The following CFAP77 variants were observed in gnomAD, a reference collection of about 807,000 sequenced individuals.
CFAP77 encodes cilia- and flagella-associated protein 77.
In CFAP77, 25 loss-of-function variants were observed where a neutral mutation model predicts 31.1. That is an observed-to-expected ratio of 0.80 (90% CI 0.59 to 1.12). CFAP77 has a LOEUF of 1.12. Among genes scored for constraint, CFAP77 ranks in the 50% most tolerant of loss-of-function variants. The pLI is 0.00. For missense variants in CFAP77, 377 were observed against 397.3 expected (o/e 0.95, Z 0.44); for synonymous variants, 151 against 159.9 (o/e 0.94, Z 0.42).
chr9:132,447,386 A>G (rs1038372988), intron 1 of CFAP77, among the ~76,000 whole-genome samples: 4 of 152,228 alleles, frequency 2.6e-5, no homozygotes, highest in African/African-American at 7.2e-5. Flanking sequence ...GAGAAGTCAT[A>G]TTATTCAAAT....
chr9:132,468,793 A>G (rs1403398266), intron 1 of CFAP77, among the ~76,000 whole-genome samples: 5 of 144,652 alleles, frequency 3.5e-5, no homozygotes, highest in African/African-American at 8.2e-5. Context: ...ACACACACGC[A>G]CACACACACA....
chr9:132,556,971 C>T (rs1458906197), intron 5 of CFAP77, among the ~76,000 whole-genome samples: 2 of 152,192 alleles, frequency 1.3e-5, no homozygotes, highest in South Asian at 2.1e-4. Flanking sequence ...TTTAATGAGC[C>T]GATGGAAGTT....
chr9:132,470,778 G>A (rs756112473), intron 1 of CFAP77, among the ~76,000 whole-genome samples: 19 of 152,310 alleles, frequency 1.2e-4, no homozygotes, highest in Admixed American at 6.5e-4. Flanking sequence ...GGATGCCAAG[G>A]TGGGTGGATC....
At chr9:132,469,097 T>C (rs1589868979) in intron 1 of CFAP77, among the ~76,000 whole-genome samples, 1 of 110,046 alleles carries the variant, frequency 9.1e-6, no homozygotes, top group South Asian at 3.1e-4. Context: ...AAAGGCATGC[T>C]CCCTTGTTAG....
chr9:132,433,031 T>C lies in CFAP77; in HGVS notation c.195+22565T>C, dbSNP rs1267285397. Among the ~76,000 whole-genome samples the C allele has an allele frequency of 1.3e-5, 2 of 152,068 alleles. 1 individual carries two copies. The highest frequency in any genetic ancestry group is 2.9e-5 in the Non-Finnish European group (2 of 67,992). On this transcript the variant is annotated intron_variant, in intron 1 of 5. Transcript: ENST00000393216. Reference sequence around the variant, plus strand: ...GCCCGGCCAATTTTCGTATTTTTAGTAGAGATGGGGTTTCGCTATGTTGCC... The same window carrying C: ...GCCCGGCCAATTTTCGTATTTTTAGCAGAGATGGGGTTTCGCTATGTTGCC...
chr9:132,531,626 G>GC (rs1554748487), intron 3 of CFAP77, among the ~76,000 whole-genome samples: 1 of 98,054 alleles, frequency 1.0e-5, no homozygotes, highest in Admixed American at 9.4e-5. Context: ...GCTAAGACAT[G>GC]GGGGGGGGGG....
chr9:132,494,650 T>C (rs1290685198), intron 1 of CFAP77, among the ~76,000 whole-genome samples: 2 of 150,106 alleles, frequency 1.3e-5, no homozygotes, highest in Non-Finnish European at 2.9e-5. Flanking sequence ...CTTCAAGAGA[T>C]AGTGCCAAAC....
At chr9:132,559,953 T>C (rs575020409) in intron 5 of CFAP77, among the ~76,000 whole-genome samples, 1 of 152,290 alleles carries the variant, frequency 6.6e-6, no homozygotes, top group Non-Finnish European at 1.5e-5. Context: ...TATAATTCCA[T>C]TTATATGAAG....
chr9:132,572,917 T>TG lies in CFAP77; in HGVS notation c.*408dup, dbSNP rs1198070681. ...GTATTTGCTGCAGAAAGCATGACAG[T>TG]GACGTGCTTTGAAAGCCCTCATTTT... On this transcript the variant is annotated 3_prime_UTR_variant, in exon 6 of 6. Transcript: ENST00000393216. 2 of 185,258 alleles carry TG rather than the reference T, an allele frequency of 1.1e-5. No homozygotes were observed. The highest frequency in any genetic ancestry group is 1.2e-4 in the Admixed American group (2 of 16,482). The allele number at this position is 185,258 out of a possible 1,614,324, so 11.5% of individuals were successfully genotyped here. A position where few individuals can be genotyped will look rare whatever the true frequency, so the allele number is the denominator to read the frequency against.
intron 1 of CFAP77, among the ~76,000 whole-genome samples, chr9:132,466,514 G>T (rs912912626): frequency 6.6e-6 from 1 of 152,166 alleles, no homozygotes; most frequent in South Asian, 2.1e-4. Context: ...ATGTCGCATT[G>T]CCCTCTGCAC....
intron 5 of CFAP77, among the ~76,000 whole-genome samples, chr9:132,568,302 C>T (rs554980119): frequency 3.3e-5 from 5 of 152,328 alleles, no homozygotes; most frequent in Admixed American, 6.5e-5. Flanking sequence ...CGCCTGTAAT[C>T]CCAACACTTT....
Position 132,515,496 on chromosome 9 carries a change from A to AT in CFAP77, c.524+15903dup, listed in dbSNP as rs576562864. ...ATATAATCCAGGCTGAATTATTTTT[A>AT]TTTTTTTCTGATTTTAAAAGAAATT... On this transcript the variant is annotated intron_variant, in intron 3 of 5. Coordinates refer to ENST00000393216, the MANE Select transcript of CFAP77 (RefSeq NM_001282957.2). Among the ~76,000 whole-genome samples the AT allele has an allele frequency of 2.1e-3, 315 of 152,228 alleles. 1 individual carries two copies. Among genetic ancestry groups the AT allele is most frequent in the Non-Finnish European group, 3.6e-3 (243 of 67,990 alleles).
At position 132,501,696 on chromosome 9, in the gene CFAP77, C is replaced by T. The variant is rs1049986219; in HGVS notation, c.524+2096C>T. ...AGGATGACAGGTGTGAGCCACTGCG[C>T]CCGGTTACATGACTATCTTCTACTC... On this transcript the variant is annotated intron_variant, in intron 3 of 5. Coordinates refer to ENST00000393216, the MANE Select transcript of CFAP77 (RefSeq NM_001282957.2). This position sits in a 1 kb window ranked among gnomAD's most constrained non-coding sequence, Gnocchi z 4.6. 6.6e-6 allele frequency among the ~76,000 whole-genome samples: 1 copy of T among 152,224 alleles called. No individual in the cohort carries two copies. Among genetic ancestry groups the T allele is most frequent in the Admixed American group, 6.5e-5 (1 of 15,286 alleles).
intron 5 of CFAP77, among the ~76,000 whole-genome samples, chr9:132,548,716 CG>C (rs1423267898): frequency 4.0e-5 from 6 of 150,682 alleles, no homozygotes; most frequent in Non-Finnish European, 7.4e-5. Context: ...CCCCCACCCT[CG>C]GAACATCCGC....
intron 1 of CFAP77, among the ~76,000 whole-genome samples, chr9:132,458,974 C>T (rs1013727414): frequency 2.6e-5 from 4 of 152,054 alleles, no homozygotes; most frequent in African/African-American, 7.2e-5. Flanking sequence ...CAGACCAGAT[C>T]GTGGGAGAAA....
rs1230429642 is a variant in CFAP77, at chr9:132,545,064, C to T, written c.732+2017C>T. Among the ~76,000 whole-genome samples, 2 of 152,236 alleles carry T rather than the reference C, an allele frequency of 1.3e-5. No individual in the cohort carries two copies. The highest frequency in any genetic ancestry group is 2.9e-5 in the Non-Finnish European group (2 of 68,040). ...CTGTGCTGGGAGCTCCGGTCTGTCT[C>T]ACTCACCTGTGTCCCACGGCGCCTG... On this transcript the variant is annotated intron_variant, in intron 5 of 5. Coordinates refer to ENST00000393216, the MANE Select transcript of CFAP77 (RefSeq NM_001282957.2). The surrounding 1 kb of genome is among the most constrained non-coding windows in gnomAD (Gnocchi z 4.6).
chr9:132,433,308 C>G (rs1424374852), intron 1 of CFAP77, among the ~76,000 whole-genome samples: 1 of 152,220 alleles, frequency 6.6e-6, no homozygotes, highest in East Asian at 1.9e-4. Flanking sequence ...TGCTGGGTTT[C>G]TGTTTGCCAG....
At chr9:132,445,847 C>T (rs1249745796) in intron 1 of CFAP77, among the ~76,000 whole-genome samples, 7 of 139,668 alleles carry the variant, frequency 5.0e-5, no homozygotes, top group African/African-American at 8.2e-5. Flanking sequence ...CTAGCCTGGG[C>T]GACAGAGTGA....
At chr9:132,496,335 T>A (rs965279503) in intron 1 of CFAP77, among the ~76,000 whole-genome samples, 3 of 152,266 alleles carry the variant, frequency 2.0e-5, no homozygotes, top group African/African-American at 7.2e-5. Context: ...GTGATTTTAT[T>A]TGAGATGTAA....
Sources: gnomAD v4.1 joint callset for allele counts (sites outside exome capture counted in the v4.1 genomes callset) on GRCh38, gnomAD v4.1.1 for gene constraint, Gnocchi (gnomAD v3.1) non-coding constraint, MANE v1.5 for transcripts, NCBI Gene and HGNC (gene_info 2026-07-23, HGNC 2026-07-21) for gene names.